The following BMP8B variants were observed in gnomAD, a reference collection of about 807,000 sequenced individuals.
The protein encoded by BMP8B is bone morphogenetic protein 8 (osteogenic protein 2).
BMP8B carries 17 observed loss-of-function variants against 30.3 expected under a neutral mutation model. That is an observed-to-expected ratio of 0.56 (90% confidence interval 0.38 to 0.84). BMP8B has a LOEUF of 0.84. Among genes scored for constraint, BMP8B ranks in the 40% least tolerant of loss-of-function variants. The pLI is 0.00. For missense variants in BMP8B, 253 were observed against 494.6 expected, an observed-to-expected ratio of 0.51 and a Z score of 4.63; for synonymous variants, 131 against 214.7, an observed-to-expected ratio of 0.61 and a Z score of 3.41.
rs1651182082 is a variant in BMP8B, at chr1:39,788,653, G to A, written c.-168C>T. 3 of 529,142 alleles carry A rather than the reference G, an allele frequency of 5.7e-6. No individual in the cohort carries two copies. Among genetic ancestry groups the A allele is most frequent in the South Asian group, 8.1e-5 (1 of 12,392 alleles). The allele number at this position is 529,142 out of a possible 1,614,324, so 32.8% of individuals were successfully genotyped here. A position where few individuals can be genotyped will look rare whatever the true frequency, so the allele number is the denominator to read the frequency against. Reference sequence around the variant, plus strand: ...CCGCGGCCTCAGCGCGGTCCCTGGAGCGCCCGCCGCGCGACACCTGTCCTG... The same window carrying A: ...CCGCGGCCTCAGCGCGGTCCCTGGAACGCCCGCCGCGCGACACCTGTCCTG... On this transcript the variant is annotated 5_prime_UTR_variant, in exon 1 of 7. Coordinates refer to ENST00000372827, the MANE Select transcript of BMP8B (RefSeq NM_001720.5). The surrounding 1 kb of genome is among the most constrained non-coding windows in gnomAD (Gnocchi z 5.8).
intron 1 of BMP8B, among the ~76,000 whole-genome samples, chr1:39,782,457 T>C (rs2311563): frequency 0.5 from 71,983 of 144,446 alleles, 17,526 homozygotes; most frequent in African/African-American, 0.6. Flanking sequence ...GCCAGACACT[T>C]GCTTTGTTTT....
intron 6 of BMP8B, among the ~76,000 whole-genome samples, chr1:39,761,854 A>C (rs1291615128): frequency 2.0e-5 from 3 of 152,244 alleles, no homozygotes; most frequent in Non-Finnish European, 4.4e-5. Context: ...TGGACAAACC[A>C]ACAAACCGAC....
chr1:39,769,289 T>C (rs1223284957), intron 3 of BMP8B, among the ~76,000 whole-genome samples: 2 of 150,904 alleles, frequency 1.3e-5, no homozygotes, highest in African/African-American at 2.4e-5. Context: ...TATTTCTCAC[T>C]GCAGTAGTAA....
At chr1:39,760,662 C>T (rs768893244) in intron 6 of BMP8B, 94 bp from the exon 7 acceptor site, 1 of 1,471,322 alleles carries the variant, frequency 6.8e-7, no homozygotes, top group Non-Finnish European at 9.1e-7. Flanking sequence ...GCTCCCTGCC[C>T]TGGCCATCTC....
Position 39,762,432 on chromosome 1 carries a change from C to G in BMP8B, c.1059+660G>C, listed in dbSNP as rs572689985. On this transcript the variant is annotated intron_variant, in intron 6 of 6. Coordinates refer to ENST00000372827, the MANE Select transcript of BMP8B (RefSeq NM_001720.5). ...GGTAAAAAGTTCTAGAAGGAAGCCTCGGTGCCAGAATCCACAAACACACAG... is the reference window on the plus strand; with the variant it reads ...GGTAAAAAGTTCTAGAAGGAAGCCTGGGTGCCAGAATCCACAAACACACAG... 7 of 1,451,176 alleles carry G rather than the reference C, an allele frequency of 4.8e-6. No individual in the cohort carries two copies. In the African/African-American group the frequency reaches 5.8e-5, roughly 12 times the overall value. 89.9% of individuals were successfully genotyped at this position (1,451,176 alleles called of 1,614,324 possible). A position where few individuals can be genotyped will look rare whatever the true frequency, so the allele number is the denominator to read the frequency against.
chr1:39,771,446 G>C (rs899399070), intron 3 of BMP8B: 21 of 650,158 alleles, frequency 3.2e-5, no homozygotes, highest in Non-Finnish European at 4.2e-5. Flanking sequence ...CCTGGGCTGG[G>C]GGCCCCCGAG....
chr1:39,785,517 C>A (rs914749730), intron 1 of BMP8B, among the ~76,000 whole-genome samples: 12 of 152,218 alleles, frequency 7.9e-5, no homozygotes, highest in African/African-American at 2.7e-4. Context: ...CCTATGAGAG[C>A]CCCGCCCCCT....
At chr1:39,782,647 T>C (rs1295163352) in intron 1 of BMP8B, among the ~76,000 whole-genome samples, 1 of 152,078 alleles carries the variant, frequency 6.6e-6, no homozygotes, top group East Asian at 1.9e-4. Flanking sequence ...TTTGTATTTT[T>C]AGTAGAGACG....
intron 1 of BMP8B, among the ~76,000 whole-genome samples, chr1:39,786,560 C>T (rs1215337869): frequency 6.6e-6 from 1 of 152,180 alleles, no homozygotes; most frequent in Non-Finnish European, 1.5e-5. Context: ...CCAGGGGATG[C>T]CAGGGGAGGT....
chr1:39,781,831 C>T (rs1650656874), intron 1 of BMP8B, among the ~76,000 whole-genome samples: 1 of 152,126 alleles, frequency 6.6e-6, no homozygotes. Flanking sequence ...TGGTGCCTAA[C>T]CTTGGGCAGT....
chr1:39,777,692 C>T (rs1436286465), intron 1 of BMP8B, among the ~76,000 whole-genome samples: 1 of 152,236 alleles, frequency 6.6e-6, no homozygotes, highest in Non-Finnish European at 1.5e-5. Flanking sequence ...AAAAGACACC[C>T]TCATCCTCCA....
rs917666228 is a variant in BMP8B, at chr1:39,760,418, C to T, written c.*1G>A. 2.5e-6 allele frequency: 4 copies of T among 1,613,804 alleles called. No homozygotes were observed. The highest frequency in any genetic ancestry group is 3.4e-6 in the Non-Finnish European group (4 of 1,180,008). On this transcript the variant is annotated 3_prime_UTR_variant, in exon 7 of 7. Coordinates refer to ENST00000372827, the MANE Select transcript of BMP8B (RefSeq NM_001720.5). ...GCTGCAGCTGGGCCGGGCGGGTGGA[C>T]TCAGTGGCAGCCGCAGGCCTTGACC...
At chr1:39,786,024 G>A (rs1486604281) in intron 1 of BMP8B, among the ~76,000 whole-genome samples, 1 of 152,180 alleles carries the variant, frequency 6.6e-6, no homozygotes, top group Non-Finnish European at 1.5e-5. Context: ...AGCTGGTGTG[G>A]GAAGAAGCTG....
chr1:39,783,603 T>C (rs1650795695), intron 1 of BMP8B, among the ~76,000 whole-genome samples: 1 of 151,898 alleles, frequency 6.6e-6, no homozygotes, highest in Non-Finnish European at 1.5e-5. Flanking sequence ...CGTATGCAGT[T>C]AAAAAAAAGA....
At chr1:39,768,563 T>C (rs1649750094) in intron 3 of BMP8B, among the ~76,000 whole-genome samples, 4 of 148,940 alleles carry the variant, frequency 2.7e-5, no homozygotes, top group Non-Finnish European at 5.9e-5. Context: ...AGATAACGGA[T>C]AAAAACGTTC....
intron 1 of BMP8B, among the ~76,000 whole-genome samples, chr1:39,780,823 G>A (rs563672506): frequency 6.6e-6 from 1 of 152,304 alleles, no homozygotes; most frequent in East Asian, 1.9e-4. Context: ...TTGAGTCTGG[G>A]AGGTTGAGGC....
intron 3 of BMP8B, chr1:39,770,578 G>A (rs141724777): frequency 4.4e-6 from 7 of 1,604,414 alleles, no homozygotes; most frequent in Non-Finnish European, 3.4e-6. Context: ...AATTGCGGGC[G>A]CTTCTCCTGA....
At chr1:39,781,310 T>C (rs1650619650) in intron 1 of BMP8B, among the ~76,000 whole-genome samples, 1 of 152,226 alleles carries the variant, frequency 6.6e-6, no homozygotes, top group Non-Finnish European at 1.5e-5. Context: ...GAACGGCTGC[T>C]ACTCAAGATA....
At position 39,763,182 on chromosome 1, in the gene BMP8B, T is replaced by C. The variant is rs1649255561; in HGVS notation, c.969A>G (p.Gln323=). 1 of 1,613,468 alleles carries C rather than the reference T, an allele frequency of 6.2e-7. No individual in the cohort carries two copies. The highest frequency in any genetic ancestry group is 8.5e-7 in the Non-Finnish European group (1 of 1,179,754). ...CCTCACAGTAATAGGCCGAGTAGCCTTGGGGAGCGATGACCCAGTCCTGGG... is the reference window on the plus strand; with the variant it reads ...CCTCACAGTAATAGGCCGAGTAGCCCTGGGGAGCGATGACCCAGTCCTGGG... ...LGWLDWVIAP[Q]GYSAYYCEGE... Residue 323 remains glutamine, a synonymous_variant, in exon 6 of 7, where the codon CAA becomes CAG. Coordinates refer to ENST00000372827, the MANE Select transcript of BMP8B (RefSeq NM_001720.5).
Sources: gnomAD v4.1 joint callset for allele counts (sites outside exome capture counted in the v4.1 genomes callset) on GRCh38, gnomAD v4.1.1 for gene constraint, Gnocchi (gnomAD v3.1) non-coding constraint, MANE v1.5 for transcripts, NCBI Gene and HGNC (gene_info 2026-07-23, HGNC 2026-07-21) for gene names.